The following MRPS10 variants were observed in gnomAD, a reference collection of about 807,000 sequenced individuals.
The protein encoded by MRPS10 is mitochondrial ribosomal protein S10, also known as small ribosomal subunit protein uS10m.
In MRPS10, 23 loss-of-function variants were observed where a neutral mutation model predicts 27.5. That is an observed-to-expected ratio of 0.84 (90% CI 0.60 to 1.18). The LOEUF is 1.18. Ranked by LOEUF, MRPS10 falls within the 50% of genes most tolerant of loss-of-function variation. The pLI is 0.00. For synonymous variants in MRPS10, 88 were observed against 84.2 expected (o/e 1.04, Z -0.25); for missense variants, 237 against 240.1 (o/e 0.99, Z 0.09).
At chr6:42,212,752 T>A (rs1454573514) in intron 3 of MRPS10, among the ~76,000 whole-genome samples, 2 of 152,176 alleles carry the variant, frequency 1.3e-5, no homozygotes, top group Non-Finnish European at 2.9e-5. Flanking sequence ...GCCAGAAAGC[T>A]AGATATCCAC....
rs779117115 is a variant in MRPS10, at chr6:42,217,803, T to C, written c.47A>G (p.Gln16Arg). 7 of 1,614,120 alleles carry C rather than the reference T, an allele frequency of 4.3e-6. No homozygotes were observed. Among genetic ancestry groups the C allele is most frequent in the South Asian group, 2.2e-5 (2 of 91,080 alleles). Residue 16 changes from glutamine (Q) to arginine (R), a missense_variant and splice_region_variant, in exon 1 of 7, where the codon CAG (glutamine) becomes CGG (arginine). Physicochemically the swap from Gln to Arg is conservative, Grantham distance 43 (BLOSUM62 1). Around this residue, in one of 3 missense-constraint regions of MRPS10, gnomAD observed 164 missense variants for 137.8 expected, o/e 1.19. Transcript: ENST00000053468. The stretch of plus-strand genomic sequence containing the variant: ...TAGTCTCCCTAGCCAATCCAGTACC[T>C]GCCAGAGGCGCCGGCACACAGCACC... Reference protein sequence around the residue: ...AFGAVCRRLWQGLGNFSVNTS... With the variant: ...AFGAVCRRLWRGLGNFSVNTS...
chr6:42,209,658 T>G (rs1053922057), intron 5 of MRPS10, among the ~76,000 whole-genome samples: 1 of 141,008 alleles, frequency 7.1e-6, no homozygotes, highest in Non-Finnish European at 1.5e-5. Flanking sequence ...TGAGACAGAA[T>G]TGCTTGAACC....
Position 42,208,911 on chromosome 6 carries a change from A to C in MRPS10, c.469T>G (p.Leu157Val), listed in dbSNP as rs745962123. ...GGTAAGTTTCGCTGAATATATTCCA[A>C]GTAGACATCTGCTGTGCTTCCAGTT... ...HLTGSTADVY[L>V]EYIQRNLPEG... Residue 157 changes from leucine to valine, a missense_variant, in exon 6 of 7, where the codon TTG becomes GTG. Coordinates refer to ENST00000053468, the MANE Select transcript of MRPS10 (RefSeq NM_018141.4). 15 of 1,612,082 alleles carry C rather than the reference A, an allele frequency of 9.3e-6. No homozygotes were observed. The highest frequency in any genetic ancestry group is 1.3e-5 in the Non-Finnish European group (15 of 1,178,648).
chr6:42,216,530 G>T (rs1179689877), intron 1 of MRPS10, among the ~76,000 whole-genome samples: 1 of 151,028 alleles, frequency 6.6e-6, no homozygotes, highest in African/African-American at 2.4e-5. Flanking sequence ...TGGTTTTCAG[G>T]CCGGGTGCGG....
chr6:42,216,029 T>C (rs1158862540), intron 1 of MRPS10, among the ~76,000 whole-genome samples: 1 of 33,248 alleles, frequency 3.0e-5, no homozygotes, highest in Non-Finnish European at 1.1e-4. Flanking sequence ...TTCTTTTCTT[T>C]TTTTTTTTTT....
At chr6:42,208,765 A>G (rs1768683995) in intron 6 of MRPS10, 93 bp downstream of exon 6, 3 of 865,852 alleles carry the variant, frequency 3.5e-6, no homozygotes, top group Non-Finnish European at 5.5e-6. Flanking sequence ...AACTCTACTC[A>G]GTGGGCCAGG....
At position 42,210,644 on chromosome 6, in the gene MRPS10, C is replaced by T. The variant is rs529940376; in HGVS notation, c.324-48G>A. ...AACCTGAGTCACTATGATAACAAAGCATAATTCCATAATTTTGTAGGTCAG... is the reference window on the plus strand; with the variant it reads ...AACCTGAGTCACTATGATAACAAAGTATAATTCCATAATTTTGTAGGTCAG... On this transcript the variant is annotated intron_variant, in intron 4 of 6. Transcript: ENST00000053468. 14 of 1,569,856 alleles carry T rather than the reference C, an allele frequency of 8.9e-6. No individual in the cohort carries two copies. In the Admixed American group the frequency reaches 2.0e-4, roughly 23 times the overall value.
Position 42,209,161 on chromosome 6 carries a change from A to AT in MRPS10, c.433-215dup, listed in dbSNP as rs552703686. Among the ~76,000 whole-genome samples, 1,247 of 151,222 alleles carry AT rather than the reference A, an allele frequency of 8.2e-3. 15 individuals carry two copies. Among genetic ancestry groups the AT allele is most frequent in the African/African-American group, 0.029 (1,182 of 41,226 alleles). On this transcript the variant is annotated intron_variant, in intron 5 of 6. Transcript: ENST00000053468. ...AGGTGTGTGCCACCATGTCCAGCTAATTTTTTTTGTATTTTTAGTAGAGAC... is the reference window on the plus strand; with the variant it reads ...AGGTGTGTGCCACCATGTCCAGCTAATTTTTTTTTGTATTTTTAGTAGAGAC...
At chr6:42,208,823 C>A in intron 6 of MRPS10, 35 bp downstream of exon 6, 1 of 1,377,580 alleles carries the variant, frequency 7.3e-7, no homozygotes, top group African/African-American at 1.5e-5. Flanking sequence ...CACTCCCCAC[C>A]GCCCCACCGA....
chr6:42,211,837 G>A lies in MRPS10; in HGVS notation c.267C>T (p.Asp89=), dbSNP rs1236573872. The A allele has an allele frequency of 6.2e-7, 1 of 1,613,986 alleles. No individual in the cohort carries two copies. The highest frequency in any genetic ancestry group is 8.5e-7 in the Non-Finnish European group (1 of 1,179,928). The change falls in exon 4 of 7, where the codon GAC becomes GAT. Residue 89 remains aspartate (D), a synonymous_variant. Coordinates refer to ENST00000053468, the MANE Select transcript of MRPS10 (RefSeq NM_018141.4). ...LVKGHDKAVL[D]SYEYFAVLAA... is the part of the protein sequence containing the mutation. ...CAAGCACAGCAAAATATTCATAACT[G>A]TCCAATACAGCCTTATCGTGACCTT...
At chr6:42,212,315 G>A (rs1031109969) in intron 3 of MRPS10, among the ~76,000 whole-genome samples, 1 of 152,124 alleles carries the variant, frequency 6.6e-6, no homozygotes, top group Non-Finnish European at 1.5e-5. Flanking sequence ...AAATCATATC[G>A]TCTCACTGCA....
rs1307060284 is a variant in MRPS10 at position 42,213,985 on chromosome 6, C to T, written c.186+135G>A. The T allele has an allele frequency of 2.7e-5, 16 of 594,918 alleles. No homozygotes were observed. The Admixed American group carries it at 2.9e-4, about 11-fold the overall frequency. The allele number at this position is 594,918 out of a possible 1,614,324, so 36.9% of individuals were successfully genotyped here. A position where few individuals can be genotyped will look rare whatever the true frequency, so the allele number is the denominator to read the frequency against. ...ATCCAGGGAGTTAAGAGAATATATGCGTTGTGCATTTGCCAGTATTCTAGG... is the reference window on the plus strand; with the variant it reads ...ATCCAGGGAGTTAAGAGAATATATGTGTTGTGCATTTGCCAGTATTCTAGG... On this transcript the variant is annotated intron_variant, in intron 3 of 6. Coordinates refer to ENST00000053468, the MANE Select transcript of MRPS10 (RefSeq NM_018141.4).
Position 42,210,547 on chromosome 6 carries a change from G to A in MRPS10, c.373C>T (p.His125Tyr), listed in dbSNP as rs765963253. Residue 125 changes from histidine (H) to tyrosine (Y), a missense_variant, in exon 5 of 7, where the codon CAT (histidine) becomes TAT (tyrosine). Around this residue, in one of 3 missense-constraint regions of MRPS10, gnomAD observed 11 missense variants for 34.2 expected, o/e 0.32. Coordinates refer to ENST00000053468, the MANE Select transcript of MRPS10 (RefSeq NM_018141.4). ...TGAACTCTGTGCTTCTTGTAAATAT[G>A]CACTGATTGGAGAAGAGTAAATCGC... ...IERFTLLQSV[H>Y]IYKKHRVQYE... 2 of 1,537,458 alleles carry A rather than the reference G, an allele frequency of 1.3e-6. No homozygotes were observed. The highest frequency in any genetic ancestry group is 1.2e-5 in the South Asian group (1 of 84,806).
At chr6:42,208,969 TG>T in intron 5 of MRPS10, 22 bp from the exon 6 acceptor site, 1 of 1,513,552 alleles carries the variant, frequency 6.6e-7, no homozygotes, top group Non-Finnish European at 9.1e-7. Flanking sequence ...AACATGAAAA[TG>T]TTTCATGTAA....
intron 5 of MRPS10, among the ~76,000 whole-genome samples, chr6:42,209,323 C>T (rs994875603): frequency 6.6e-6 from 1 of 151,888 alleles, no homozygotes; most frequent in African/African-American, 2.4e-5. Flanking sequence ...AACATAAAAT[C>T]CCAGGCTCAC....
At chr6:42,213,438 ACT>A (rs1449355298) in intron 3 of MRPS10, among the ~76,000 whole-genome samples, 1 of 152,128 alleles carries the variant, frequency 6.6e-6, no homozygotes, top group Non-Finnish European at 1.5e-5. Flanking sequence ...ACAGAGCGAG[ACT>A]CTGTCTCAAA....
intron 1 of MRPS10, among the ~76,000 whole-genome samples, chr6:42,216,517 C>G (rs1461248519): frequency 6.6e-6 from 1 of 150,392 alleles, no homozygotes; most frequent in Non-Finnish European, 1.5e-5. Flanking sequence ...TTCTCAAGAA[C>G]AGTGGTTTTC....
Position 42,208,241 on chromosome 6 carries a change from TG to T in MRPS10, c.*47del. The T allele has an allele frequency of 7.3e-7, 1 of 1,367,548 alleles. No individual in the cohort carries two copies. Among genetic ancestry groups the T allele is most frequent in the Non-Finnish European group, 1.0e-6 (1 of 959,422 alleles). The allele number at this position is 1,367,548 out of a possible 1,614,324, so 84.7% of individuals were successfully genotyped here. Reference sequence around the variant, plus strand: ...CACTCTCCACTTAAACATACTCATCTGGCCCACCCTCATTTCAAATTTAGGC... The same window carrying T: ...CACTCTCCACTTAAACATACTCATCTGCCCACCCTCATTTCAAATTTAGGC... On this transcript the variant is annotated 3_prime_UTR_variant, in exon 7 of 7. Transcript: ENST00000053468.
intron 1 of MRPS10, 147 bp from the exon 2 acceptor site, chr6:42,214,491 AAAG>A: frequency 1.8e-6 from 1 of 551,108 alleles, no homozygotes. Flanking sequence ...TTGAAAAAAA[AAAG>A]AGGACAATGG....
Sources: allele counts gnomAD v4.1 joint callset (sites outside exome capture counted in the v4.1 genomes callset), GRCh38; gene constraint gnomAD v4.1.1; regional missense constraint gnomAD v4.1.1; transcripts MANE v1.5; gene names NCBI Gene and HGNC (gene_info 2026-07-23, HGNC 2026-07-21).